TTYH2: variants seen among roughly 807,000 people sequenced by gnomAD.
TTYH2 encodes tweety family member 2, also known as protein tweety homolog 2.
TTYH2 carries 49 observed loss-of-function variants against 68.3 expected under a neutral mutation model. The observed-to-expected ratio is 0.72, with a 90% CI of 0.57 to 0.91. The LOEUF is 0.91. TTYH2 is among the 40% of genes least tolerant of loss of function. The pLI, the probability that TTYH2 is intolerant of heterozygous loss-of-function variation, is 0.00. For missense variants in TTYH2, 631 were observed against 700.4 expected, an observed-to-expected ratio of 0.90 and a Z score of 1.12; for synonymous variants, 272 against 300.8, an observed-to-expected ratio of 0.90 and a Z score of 0.99.
Position 74,215,264 on chromosome 17 carries a change from C to T in TTYH2, c.129+1548C>T, listed in dbSNP as rs1218040972. ...CCGGGGTCTCCAGCCATAGTTTTCT[C>T]CTCTCCACTGGAGGAAATCTAAACT... On this transcript the variant is annotated intron_variant, in intron 1 of 13. Coordinates refer to ENST00000269346, the MANE Select transcript of TTYH2 (RefSeq NM_032646.6). The surrounding 1 kb of genome is among the most constrained non-coding windows in gnomAD (Gnocchi z 4.3). Among the ~76,000 whole-genome samples the T allele has an allele frequency of 2.0e-5, 3 of 151,998 alleles. No homozygotes were observed. The highest frequency in any genetic ancestry group is 7.3e-5 in the African/African-American group (3 of 41,322).
At chr17:74,253,306 C>T (rs757109691) in intron 12 of TTYH2, 40 bp downstream of exon 12, 27 of 1,528,124 alleles carry the variant, frequency 1.8e-5, no homozygotes, top group East Asian at 2.3e-5. Flanking sequence ...TAGCACTGCC[C>T]GGACAGCATG....
chr17:74,253,709 C>T (rs2050661951), intron 12 of TTYH2, 46 bp from the exon 13 acceptor site: 1 of 1,590,552 alleles, frequency 6.3e-7, no homozygotes, highest in Non-Finnish European at 8.6e-7. Context: ...ACACACACCC[C>T]CACTCCCACA....
intron 5 of TTYH2, 28 bp from the exon 6 acceptor site, chr17:74,243,949 C>G: frequency 1.9e-6 from 3 of 1,607,232 alleles, no homozygotes; most frequent in Non-Finnish European, 2.5e-6. Context: ...ACCCCGCCTG[C>G]CAACGTTGTC....
chr17:74,254,917 G>A (rs1004763928), intron 13 of TTYH2, among the ~76,000 whole-genome samples: 4 of 152,156 alleles, frequency 2.6e-5, no homozygotes, highest in Non-Finnish European at 4.4e-5. Context: ...TCCTCAATCC[G>A]TCTCAGCTCC....
chr17:74,238,283 G>T (rs1463622344), intron 4 of TTYH2, among the ~76,000 whole-genome samples: 4 of 152,230 alleles, frequency 2.6e-5, no homozygotes, highest in African/African-American at 9.6e-5. Context: ...GGCTAAGGGT[G>T]CTAAGAAGTT....
At chr17:74,229,124 C>A (rs967566156) in intron 2 of TTYH2, among the ~76,000 whole-genome samples, 1 of 152,136 alleles carries the variant, frequency 6.6e-6, no homozygotes, top group Non-Finnish European at 1.5e-5. Flanking sequence ...AGTGGAAGAA[C>A]AGACTGTGAC....
In TTYH2 at chr17:74,238,568, A is replaced by G. The variant is rs1054771322; in HGVS notation, c.635+1054A>G. ...CATACAACCACACCTGGCTAGTTTAAAAAAATTTTTTTTTGCAGCTGGGAC... is the reference window on the plus strand; with the variant it reads ...CATACAACCACACCTGGCTAGTTTAGAAAAATTTTTTTTTGCAGCTGGGAC... On this transcript the variant is annotated intron_variant, in intron 4 of 13. Coordinates refer to ENST00000269346, the MANE Select transcript of TTYH2 (RefSeq NM_032646.6). Among the ~76,000 whole-genome samples the G allele has an allele frequency of 2.0e-5, 3 of 152,152 alleles. No individual in the cohort carries two copies. In the South Asian group the frequency reaches 6.2e-4, roughly 32 times the overall value.
intron 1 of TTYH2, among the ~76,000 whole-genome samples, chr17:74,219,295 A>G (rs2050252455): frequency 1.3e-5 from 2 of 150,932 alleles, no homozygotes; most frequent in Admixed American, 6.6e-5. Flanking sequence ...AGGCTGAGGC[A>G]GGAGAATCCC....
chr17:74,253,653 C>A (rs2050661114), intron 12 of TTYH2, 102 bp from the exon 13 acceptor site: 2 of 1,150,614 alleles, frequency 1.7e-6, no homozygotes, highest in Non-Finnish European at 2.6e-6. Flanking sequence ...TGGTTCCATC[C>A]CCCACCTCCC....
At chr17:74,235,213 T>C (rs1203717127) in intron 3 of TTYH2, among the ~76,000 whole-genome samples, 1 of 152,116 alleles carries the variant, frequency 6.6e-6, no homozygotes, top group Non-Finnish European at 1.5e-5. Flanking sequence ...TGATGTGAAG[T>C]CCCCATAACA....
intron 13 of TTYH2, among the ~76,000 whole-genome samples, chr17:74,257,971 T>C (rs967045070): frequency 1.3e-5 from 2 of 151,954 alleles, no homozygotes; most frequent in South Asian, 4.2e-4. Flanking sequence ...CTGGTCAACA[T>C]GGTGAAACCC....
chr17:74,250,135 G>C (rs1420021057), intron 9 of TTYH2, 107 bp downstream of exon 9: 6 of 1,480,852 alleles, frequency 4.1e-6, no homozygotes, highest in African/African-American at 1.4e-5. Context: ...CTGGCTCTCT[G>C]TTCTCCCGCC....
At chr17:74,244,604 A>AG (rs1167451080) in intron 6 of TTYH2, among the ~76,000 whole-genome samples, 2 of 151,950 alleles carry the variant, frequency 1.3e-5, no homozygotes, top group East Asian at 3.9e-4. Flanking sequence ...GCTTAAAAAA[A>AG]AAAAGTTGGG....
chr17:74,213,582 CG>C lies in TTYH2; in HGVS notation c.-5del, dbSNP rs754762214. The C allele has an allele frequency of 2.7e-5, 44 of 1,609,144 alleles. No individual in the cohort carries two copies. The South Asian group carries it at 4.6e-4, about 17-fold the overall frequency. ...TTCAGCTTGTGGGTAGCACTCGGGCCGAGCCATGCAGGCGGCGCGCGTGGAC... is the reference window on the plus strand; with the variant it reads ...TTCAGCTTGTGGGTAGCACTCGGGCCAGCCATGCAGGCGGCGCGCGTGGAC... On this transcript the variant is annotated 5_prime_UTR_variant, in exon 1 of 14. Coordinates refer to ENST00000269346, the MANE Select transcript of TTYH2 (RefSeq NM_032646.6). This position sits in a 1 kb window ranked among gnomAD's most constrained non-coding sequence, Gnocchi z 6.1.
Position 74,252,358 on chromosome 17 carries a change from G to A in TTYH2, c.1241G>A (p.Trp414Ter). ...STMICAGPRA[W>*]KHFTTRNRDY... ...ATGATCTGTGCAGGGCCAAGGGCCT[G>A]GAAGCACTTCACCACCAGGTGGGCT... The change falls in exon 11 of 14, where the codon TGG (tryptophan) becomes TAG (stop). Residue 414 changes from tryptophan to a stop codon, truncating the protein, a stop_gained. Transcript: ENST00000269346. LOFTEE classifies it high-confidence loss of function. 1 of 1,613,690 alleles carries A rather than the reference G, an allele frequency of 6.2e-7. No individual in the cohort carries two copies. Among genetic ancestry groups the A allele is most frequent in the Non-Finnish European group, 8.5e-7 (1 of 1,179,986 alleles).
At position 74,230,994 on chromosome 17, in the gene TTYH2, G is replaced by C; in HGVS notation, c.409G>C (p.Ala137Pro). ...CAACCACACCTTCTCTGGGATCGAT[G>C]CTCTGGTAAGGCTCCCGGGCAGCTG... ...DANHTFSGID[A>P]LVSGTTQKMK... Residue 137 changes from alanine (A) to proline (P), a missense_variant, in exon 3 of 14, where the codon GCT becomes CCT. Ala to Pro is a conservative substitution (Grantham distance 27). Transcript: ENST00000269346. 1.2e-6 allele frequency: 2 copies of C among 1,613,784 alleles called. No homozygotes were observed. The highest frequency in any genetic ancestry group is 1.7e-6 in the Non-Finnish European group (2 of 1,179,878).
chr17:74,235,877 CAG>C (rs1460512115), intron 3 of TTYH2, among the ~76,000 whole-genome samples: 2 of 137,482 alleles, frequency 1.5e-5, no homozygotes, highest in Non-Finnish European at 3.0e-5. Flanking sequence ...CTGGGTGACA[CAG>C]AGCGAGACTC....
chr17:74,243,853 C>A, intron 5 of TTYH2, 124 bp from the exon 6 acceptor site: 1 of 858,668 alleles, frequency 1.2e-6, no homozygotes, highest in Non-Finnish European at 1.8e-6. Flanking sequence ...GCAGGGCCCA[C>A]GTCAGGGCAG....
intron 5 of TTYH2, 124 bp downstream of exon 5, chr17:74,243,593 C>T: frequency 1.1e-6 from 1 of 946,774 alleles, no homozygotes; most frequent in South Asian, 1.5e-5. Context: ...AGGCCACCTT[C>T]TGCCCCGTCC....
Sources: allele counts gnomAD v4.1 joint callset (sites outside exome capture counted in the v4.1 genomes callset), GRCh38; gene constraint gnomAD v4.1.1; non-coding constraint Gnocchi (gnomAD v3.1); transcripts MANE v1.5; gene names NCBI Gene and HGNC (gene_info 2026-07-23, HGNC 2026-07-21).